Variants in ASB1 observed in about 807,000 individuals in gnomAD.
The protein encoded by ASB1 is ankyrin repeat and SOCS box containing 1, also known as ankyrin repeat and SOCS box protein 1.
Under a neutral mutation model 27.7 loss-of-function variants are expected in ASB1, and 18 were observed. The observed-to-expected ratio is 0.65, with a 90% CI of 0.45 to 0.96. The LOEUF (loss-of-function observed/expected upper bound fraction) is 0.96. Among genes scored for constraint, ASB1 ranks in the 50% least tolerant of loss-of-function variants. The probability of loss-of-function intolerance (pLI) is 0.00; values close to 1 mark genes in which losing one functional copy is unlikely to be tolerated. For missense variants in ASB1, 397 were observed against 451.7 expected, an observed-to-expected ratio of 0.88 and a Z score of 1.10; for synonymous variants, 189 against 187.6, an observed-to-expected ratio of 1.01 and a Z score of -0.06.
chr2:238,444,598 G>A lies in ASB1; in HGVS notation c.751G>A (p.Ala251Thr). ...TGTTCTGCGCCACGGCTGTGAGGCA[G>A]CCTTCGTGAGCCTGCTGGTAGAATT... ...DAVLRHGCEA[A>T]FVSLLVEFGA... is the part of the protein sequence containing the mutation. Residue 251 changes from alanine to threonine, a missense_variant, in exon 4 of 5, where the codon GCC becomes ACC. Coordinates refer to ENST00000264607, the MANE Select transcript of ASB1 (RefSeq NM_001040445.3). 1 of 1,614,216 alleles carries A rather than the reference G, an allele frequency of 6.2e-7. No individual in the cohort carries two copies. Among genetic ancestry groups the A allele is most frequent in the Non-Finnish European group, 8.5e-7 (1 of 1,180,046 alleles).
chr2:238,446,292 CTTCTGGCTGGCAG>C, intron 4 of ASB1, 79 bp from the exon 5 acceptor site: 1 of 1,444,330 alleles, frequency 6.9e-7, no homozygotes. Context: ...CATTGGTGCA[CTTCTGGCTGGCAG>C]TCCCAGCTGC....
rs761320965 is a variant in ASB1 at position 238,451,697 on chromosome 2, T to C, written c.*5186T>C. 6.6e-6 allele frequency: 1 copy of C among 152,644 alleles called. No homozygotes were observed. The highest frequency in any genetic ancestry group is 1.5e-5 in the Non-Finnish European group (1 of 68,048). 9.5% of individuals were successfully genotyped at this position (152,644 alleles called of 1,614,324 possible). On this transcript the variant is annotated 3_prime_UTR_variant, in exon 5 of 5. Transcript: ENST00000264607. ...CCTTCAAAAGCATAATGAACACTTT[T>C]GATATGATATTGTAACTTTAGTAAA...
Position 238,433,657 on chromosome 2 carries a change from G to T in ASB1, c.153G>T (p.Gln51His). 1 of 1,614,104 alleles carries T rather than the reference G, an allele frequency of 6.2e-7. No homozygotes were observed. The highest frequency in any genetic ancestry group is 8.5e-7 in the Non-Finnish European group (1 of 1,179,972). ...ATGCAGCTTACGTCGGGGACCTCCA[G>T]ACCCTCAGGAGCCTATTGCAAGAGG... ...LHDAAYVGDL[Q>H]TLRSLLQEES... is the part of the protein sequence containing the mutation. The change falls in exon 2 of 5, where the codon CAG (glutamine) becomes CAT (histidine). Residue 51 changes from glutamine (Q) to histidine (H), a missense_variant. Transcript: ENST00000264607.
At position 238,450,130 on chromosome 2, in the gene ASB1, A is replaced by G. The variant is rs1424833117; in HGVS notation, c.*3619A>G. ...TGACTTGTCCCTCTTCTTAGTGGAA[A>G]TGCATTTGAGATGGTGACAGGGCTG... On this transcript the variant is annotated 3_prime_UTR_variant, in exon 5 of 5. Coordinates refer to ENST00000264607, the MANE Select transcript of ASB1 (RefSeq NM_001040445.3). 1 of 152,338 alleles carries G rather than the reference A, an allele frequency of 6.6e-6. No individual in the cohort carries two copies. The highest frequency in any genetic ancestry group is 1.5e-5 in the Non-Finnish European group (1 of 68,136). 9.4% of individuals were successfully genotyped at this position (152,338 alleles called of 1,614,324 possible).
In ASB1 at chr2:238,426,937, G is replaced by A; in HGVS notation, c.-134G>A. On this transcript the variant is annotated 5_prime_UTR_variant, in exon 1 of 5. Transcript: ENST00000264607. ...GCGGCCCCGGAAACCAGTGAGGCCGGCGCGCGCCCGCCGGAAGCCGCGACC... is the reference window on the plus strand; with the variant it reads ...GCGGCCCCGGAAACCAGTGAGGCCGACGCGCGCCCGCCGGAAGCCGCGACC... 1.6e-6 allele frequency: 1 copy of A among 610,468 alleles called. No individual in the cohort carries two copies. The highest frequency in any genetic ancestry group is 2.3e-6 in the Non-Finnish European group (1 of 426,460). The allele number at this position is 610,468 out of a possible 1,614,324, so 37.8% of individuals were successfully genotyped here. A position where few individuals can be genotyped will look rare whatever the true frequency, so the allele number is the denominator to read the frequency against.
Position 238,435,766 on chromosome 2 carries a change from C to G in ASB1, c.247C>G (p.Arg83Gly), listed in dbSNP as rs369076655. The change falls in exon 3 of 5, where the codon CGA (arginine) becomes GGA (glycine). Residue 83 changes from arginine (R) to glycine (G), a missense_variant. Coordinates refer to ENST00000264607, the MANE Select transcript of ASB1 (RefSeq NM_001040445.3). Reference protein sequence around the residue: ...CCGWLPCTPLRIAATAGHGSC... With the variant: ...CCGWLPCTPLGIAATAGHGSC... ...TGGCTGGCTCCCCTGCACACCGTTGCGAATCGCGGCCACTGCAGGCCATGG... is the reference window on the plus strand; with the variant it reads ...TGGCTGGCTCCCCTGCACACCGTTGGGAATCGCGGCCACTGCAGGCCATGG... 1 of 1,613,968 alleles carries G rather than the reference C, an allele frequency of 6.2e-7. No individual in the cohort carries two copies. Among genetic ancestry groups the G allele is most frequent in the Admixed American group, 1.7e-5 (1 of 60,010 alleles).
In ASB1 at chr2:238,435,771, C is replaced by T. The variant is rs3191996; in HGVS notation, c.252C>T (p.Ile84=). ...GGCTCCCCTGCACACCGTTGCGAAT[C>T]GCGGCCACTGCAGGCCATGGGAGCT... ...CGWLPCTPLR[I]AATAGHGSCV... The change falls in exon 3 of 5, where the codon ATC becomes ATT. Residue 84 remains isoleucine (I), a synonymous_variant. Transcript: ENST00000264607. 0.11 allele frequency: 171,444 copies of T among 1,613,988 alleles called. 10,326 individuals are homozygous for T. The highest frequency in any genetic ancestry group is 0.12 in the Non-Finnish European group (142,804 of 1,179,982).
chr2:238,435,638 G>T, intron 2 of ASB1, 73 bp from the exon 3 acceptor site: 1 of 1,470,942 alleles, frequency 6.8e-7, no homozygotes, highest in Middle Eastern at 1.9e-4. Flanking sequence ...ATGCTGCCAG[G>T]GTGAGGGGGG....
rs893176278 is a variant in ASB1 at position 238,439,404 on chromosome 2, G to A, written c.494+3391G>A. On this transcript the variant is annotated intron_variant, in intron 3 of 4. Coordinates refer to ENST00000264607, the MANE Select transcript of ASB1 (RefSeq NM_001040445.3). ...GCAGCAGTTTTGGTTCCAGGGGAGC[G>A]TTTCTCTGGACACTCAGGATGGTGC... 3.9e-5 allele frequency among the ~76,000 whole-genome samples: 6 copies of A among 152,150 alleles called. No individual in the cohort carries two copies. The South Asian group carries it at 6.2e-4, about 16-fold the overall frequency.
intron 3 of ASB1, among the ~76,000 whole-genome samples, chr2:238,441,881 A>G (rs532897232): frequency 6.6e-6 from 1 of 152,302 alleles, no homozygotes; most frequent in Admixed American, 6.5e-5. Flanking sequence ...TGCATATGTA[A>G]TTTTGCTAGC....
intron 4 of ASB1, among the ~76,000 whole-genome samples, chr2:238,445,320 C>G (rs1370304612): frequency 6.6e-6 from 1 of 152,110 alleles, no homozygotes; most frequent in Non-Finnish European, 1.5e-5. Context: ...ACCTGTGGCC[C>G]CAGATTCTTA....
chr2:238,433,799 G>A (rs2106403950), intron 2 of ASB1, 104 bp downstream of exon 2: 2 of 1,366,404 alleles, frequency 1.5e-6, no homozygotes, highest in African/African-American at 1.4e-5. Flanking sequence ...GATGTTGGGA[G>A]GAATGTGTTC....
At chr2:238,444,314 A>G (rs749950806) in intron 3 of ASB1, 28 bp from the exon 4 acceptor site, 2 of 1,579,846 alleles carry the variant, frequency 1.3e-6, no homozygotes, top group Non-Finnish European at 1.7e-6. Context: ...TCCCCTGCAC[A>G]GTCTGACTTT....
chr2:238,432,987 C>T (rs1444201746), intron 1 of ASB1, among the ~76,000 whole-genome samples: 1 of 152,202 alleles, frequency 6.6e-6, no homozygotes, highest in East Asian at 1.9e-4. Flanking sequence ...ACCTCGTGAT[C>T]TGCCCGCCTC....
At chr2:238,430,507 A>G (rs111643339) in intron 1 of ASB1, among the ~76,000 whole-genome samples, 74 of 152,324 alleles carry the variant, frequency 4.9e-4, no homozygotes, top group African/African-American at 1.3e-3. Flanking sequence ...GAGCCCCTCA[A>G]AGTCATCCAT....
At chr2:238,445,334 A>G (rs1702159696) in intron 4 of ASB1, among the ~76,000 whole-genome samples, 1 of 152,130 alleles carries the variant, frequency 6.6e-6, no homozygotes. Context: ...ATTCTTATAG[A>G]CAGTGACTTC....
At chr2:238,440,348 A>G (rs1175413076) in intron 3 of ASB1, among the ~76,000 whole-genome samples, 5 of 152,200 alleles carry the variant, frequency 3.3e-5, no homozygotes, top group African/African-American at 1.2e-4. Flanking sequence ...ATTTCTTTAT[A>G]TACATGGACA....
chr2:238,437,366 G>A (rs1423349453), intron 3 of ASB1, among the ~76,000 whole-genome samples: 1 of 152,004 alleles, frequency 6.6e-6, no homozygotes, highest in African/African-American at 2.4e-5. Context: ...TGAGTAGCTG[G>A]GACTACAGGT....
chr2:238,427,149 G>C, intron 1 of ASB1, 30 bp downstream of exon 1: 1 of 1,234,060 alleles, frequency 8.1e-7, no homozygotes, highest in Non-Finnish European at 1.0e-6. Context: ...TGGGCCGCGG[G>C]GCGTGTGGGG....
Sources: allele counts gnomAD v4.1 joint callset (sites outside exome capture counted in the v4.1 genomes callset), GRCh38; gene constraint gnomAD v4.1.1; transcripts MANE v1.5; gene names NCBI Gene and HGNC (gene_info 2026-07-23, HGNC 2026-07-21).